Variants in BRI3 observed in about 807,000 individuals in gnomAD.
The protein encoded by BRI3 is membrane protein BRI3.
In BRI3, 6 loss-of-function variants were observed where a neutral mutation model predicts 12.8. The observed-to-expected ratio is 0.47, with a 90% CI of 0.26 to 0.93. The LOEUF (loss-of-function observed/expected upper bound fraction) is 0.93, where lower values mean the gene tolerates loss of function less well. BRI3 is among the 40% of genes least tolerant of loss of function. BRI3 has a pLI of 0.15. For missense variants in BRI3, 134 were observed against 171.1 expected (o/e 0.78, Z 1.21); for synonymous variants, 91 against 76.1 (o/e 1.20, Z -1.02).
At chr7:98,313,783 TAATTAA>T (rs1431575979), downstream of BRI3, among the ~76,000 whole-genome samples, 8 of 150,000 alleles carry the variant, frequency 5.3e-5, no homozygotes, top group African/African-American at 9.8e-5. Flanking sequence ...CACAACTGGC[TAATTAA>T]AACTTTTTTT....
In BRI3 at chr7:98,282,046, C is replaced by CT. The variant is rs575288976; in HGVS notation, c.142+110dup. ...GCCCGCCCGGGGGTCCTTCCTGGAG[C>CT]TGGAGGTCCCCGGGCTGGCTTCGGG... On this transcript the variant is annotated intron_variant, in intron 1 of 2. Coordinates refer to ENST00000297290, the MANE Select transcript of BRI3 (RefSeq NM_015379.5). The CT allele has an allele frequency of 6.4e-4, 830 of 1,304,222 alleles. 4 individuals carry two copies. The African/African-American group carries it at 0.011, about 18-fold the overall frequency. The allele number at this position is 1,304,222 out of a possible 1,614,324, so 80.8% of individuals were successfully genotyped here.
the BRI3 span, chr7:98,315,671 A>T: frequency 1.1e-6 from 1 of 899,270 alleles, no homozygotes; most frequent in South Asian, 4.6e-5. Context: ...AGCATCAGAT[A>T]GCGTGCAGCC....
intron 1 of BRI3, among the ~76,000 whole-genome samples, chr7:98,299,163 C>T (rs1800314130): frequency 6.6e-6 from 1 of 151,922 alleles, no homozygotes; most frequent in Non-Finnish European, 1.5e-5. Flanking sequence ...TTACAGGCGC[C>T]TGCCACCATG....
exon 2 of BRI3, chr7:98,308,668 AT>A (rs749745977): frequency 0.013 from 3,034 of 230,976 alleles, 37 homozygotes; most frequent in Non-Finnish European, 0.021. Context: ...GTAGAAAAAA[AT>A]ATATATATAT....
intron 1 of BRI3, among the ~76,000 whole-genome samples, chr7:98,299,407 C>A (rs1291953566): frequency 2.0e-5 from 3 of 152,182 alleles, no homozygotes; most frequent in Non-Finnish European, 4.4e-5. Flanking sequence ...ATCCTCCCGC[C>A]TCGGCCTCCC....
At chr7:98,322,105 C>T in the BRI3 span, among the ~76,000 whole-genome samples, 1 of 151,878 alleles carries the variant, frequency 6.6e-6, no homozygotes, top group Non-Finnish European at 1.5e-5. Flanking sequence ...CCCCGCCCCC[C>T]AAAAAAGGAA....
At chr7:98,282,029 G>C (rs1439862928) in intron 1 of BRI3, 92 bp downstream of exon 1, 2 of 1,299,360 alleles carry the variant, frequency 1.5e-6, no homozygotes, top group Non-Finnish European at 2.0e-6. Context: ...GGGCCCGCCC[G>C]GGGGTCCTTC....
the BRI3 span, among the ~76,000 whole-genome samples, chr7:98,315,925 CAG>C: frequency 3.5e-4 from 54 of 152,270 alleles, no homozygotes; most frequent in Non-Finnish European, 6.2e-4. Flanking sequence ...GCTTTGGAAC[CAG>C]AAAGTTCCAG....
downstream of BRI3, chr7:98,310,546 G>T: frequency 6.3e-7 from 1 of 1,592,884 alleles, no homozygotes; most frequent in Non-Finnish European, 8.5e-7. Context: ...AGGAGCGGGG[G>T]GCATCTTTGG....
At chr7:98,313,235 G>C (rs919692521), downstream of BRI3, among the ~76,000 whole-genome samples, 3 of 152,008 alleles carry the variant, frequency 2.0e-5, no homozygotes, top group African/African-American at 7.2e-5. Context: ...AAGGACTGAG[G>C]CGCTTTAGCT....
At chr7:98,288,650 G>A (rs1799793009) in intron 2 of BRI3, among the ~76,000 whole-genome samples, 1 of 151,938 alleles carries the variant, frequency 6.6e-6, no homozygotes. Context: ...GTATAAGAGT[G>A]CTGCAGGACT....
At chr7:98,307,342 G>A (rs1800697424) in intron 1 of BRI3, 27 of 1,052,342 alleles carry the variant, frequency 2.6e-5, no homozygotes, top group Non-Finnish European at 3.0e-5. Flanking sequence ...CTAACCTCAG[G>A]TGATCTGCCC....
chr7:98,286,661 G>A (rs1333921261), intron 2 of BRI3, among the ~76,000 whole-genome samples: 3 of 152,202 alleles, frequency 2.0e-5, no homozygotes, highest in Non-Finnish European at 4.4e-5. Context: ...TGCAGCTTGG[G>A]GAGTCTTGAC....
At chr7:98,312,189 T>C (rs779100540), downstream of BRI3, 5 of 1,613,974 alleles carry the variant, frequency 3.1e-6, no homozygotes, top group African/African-American at 6.7e-5. Flanking sequence ...ATATTCATGA[T>C]TTTCTCTGGC....
rs1799945631 is a variant in BRI3 at position 98,291,352 on chromosome 7, G to C, written c.*109G>C. 2.6e-6 allele frequency: 4 copies of C among 1,532,750 alleles called. No individual in the cohort carries two copies. The highest frequency in any genetic ancestry group is 1.3e-5 in the South Asian group (1 of 78,166). 94.9% of individuals were successfully genotyped at this position (1,532,750 alleles called of 1,614,324 possible). On this transcript the variant is annotated 3_prime_UTR_variant, in exon 3 of 3. Transcript: ENST00000297290. Reference sequence around the variant, plus strand: ...CTTCAGGACTGTTTTGTAAAGCGAGGTGGGACCGATGTGGCACACGCCAGC... The same window carrying C: ...CTTCAGGACTGTTTTGTAAAGCGAGCTGGGACCGATGTGGCACACGCCAGC...
the BRI3 span, among the ~76,000 whole-genome samples, chr7:98,318,979 T>G: frequency 6.6e-6 from 1 of 151,940 alleles, no homozygotes; most frequent in Non-Finnish European, 1.5e-5. Flanking sequence ...TGTCTATGTT[T>G]TGGAGTTTCT....
the BRI3 span, among the ~76,000 whole-genome samples, chr7:98,321,925 G>A: frequency 1.6e-4 from 24 of 152,022 alleles, no homozygotes; most frequent in Admixed American, 7.9e-4. Flanking sequence ...GTGAAACCCC[G>A]TCTCTATTAA....
In BRI3 at chr7:98,306,585, C is replaced by T. The variant is rs1049834062; in HGVS notation, n.64C>T. 4 of 1,610,190 alleles carry T rather than the reference C, an allele frequency of 2.5e-6. No individual in the cohort carries two copies. In the African/African-American group the frequency reaches 5.3e-5, roughly 22 times the overall value. Reference sequence around the variant, plus strand: ...GTGGACGGCAACCTCCCTGAACAACCTGGTGAGAGCTCAGGGCAGACAGGT... The same window carrying T: ...GTGGACGGCAACCTCCCTGAACAACTTGGTGAGAGCTCAGGGCAGACAGGT... On this transcript the variant is annotated non_coding_transcript_exon_variant, in exon 1 of 2. Transcript: ENST00000485422.
At chr7:98,319,649 C>T in the BRI3 span, among the ~76,000 whole-genome samples, 1 of 151,422 alleles carries the variant, frequency 6.6e-6, no homozygotes, top group Non-Finnish European at 1.5e-5. Context: ...CCGGTTCAAG[C>T]CATTCTCCTG....
Sources: gnomAD v4.1 joint callset for allele counts (sites outside exome capture counted in the v4.1 genomes callset) on GRCh38, gnomAD v4.1.1 for gene constraint, MANE v1.5 for transcripts, NCBI Gene and HGNC (gene_info 2026-07-23, HGNC 2026-07-21) for gene names.